BBS12: variants seen among roughly 807,000 people sequenced by gnomAD.
BBS12 encodes chaperonin-containing T-complex member BBS12.
Under a neutral mutation model 5.6 loss-of-function variants are expected in BBS12, and 5 were observed. The observed-to-expected ratio is 0.89, with a 90% CI of 0.46 to 1.86. The LOEUF is 1.86. BBS12 is among the 40% of genes most tolerant of loss of function. The pLI, the probability that BBS12 is intolerant of heterozygous loss-of-function variation, is 0.01. For missense variants in BBS12, 748 were observed against 830.4 expected (o/e 0.90, Z 1.22); for synonymous variants, 308 against 306.8 (o/e 1.00, Z -0.04).
At position 122,743,178 on chromosome 4, in the gene BBS12, G is replaced by C. The variant is rs7665271; in HGVS notation, c.1286G>C (p.Ser429Thr). 10,217 of 1,614,148 alleles carry C rather than the reference G, an allele frequency of 6.3e-3. 488 individuals are homozygous for C. In the African/African-American group the frequency reaches 0.11, roughly 17 times the overall value. Residue 429 changes from serine to threonine, a missense_variant, in exon 2 of 2, where the codon AGT (serine) becomes ACT (threonine). By Grantham distance (58) the Ser-to-Thr change is moderately conservative. Transcript: ENST00000314218. ...CGCTTAATTGAAAAATGTATAAACA[G>C]TAAGCGGTTGGTAATCGGCTCAGTG... ...SERLIEKCIN[S>T]KRLVIGSVNG... is the part of the protein sequence containing the mutation.
At chr4:122,722,122 G>A in the BBS12 span, among the ~76,000 whole-genome samples, 1 of 152,144 alleles carries the variant, frequency 6.6e-6, no homozygotes, top group East Asian at 1.9e-4. Context: ...TGTGAGACTG[G>A]GGGTCAAATT....
the BBS12 span, among the ~76,000 whole-genome samples, chr4:122,709,311 T>G: frequency 5.3e-5 from 8 of 152,186 alleles, no homozygotes; most frequent in African/African-American, 1.9e-4. Context: ...CAGAGTTTAC[T>G]CAGTGTTTCT....
chr4:122,743,373 C>T lies in BBS12; in HGVS notation c.1481C>T (p.Thr494Ile), dbSNP rs1560708278. The T allele has an allele frequency of 1.2e-6, 2 of 1,614,202 alleles. No homozygotes were observed. Among genetic ancestry groups the T allele is most frequent in the Non-Finnish European group, 1.7e-6 (2 of 1,180,050 alleles). The change falls in exon 2 of 2, where the codon ACA becomes ATA. Residue 494 changes from threonine to isoleucine, a missense_variant. Thr to Ile is a moderately conservative substitution (Grantham distance 89). Coordinates refer to ENST00000314218, the MANE Select transcript of BBS12 (RefSeq NM_152618.3). ...RNNRIAILLK[T>I]EGINLVTAVL... Reference sequence around the variant, plus strand: ...AACAGAATCGCAATCTTATTAAAAACAGAAGGAATTAATTTGGTTACGGCC... The same window carrying T: ...AACAGAATCGCAATCTTATTAAAAATAGAAGGAATTAATTTGGTTACGGCC...
At chr4:122,715,186 G>A in the BBS12 span, among the ~76,000 whole-genome samples, 1 of 150,988 alleles carries the variant, frequency 6.6e-6, no homozygotes, top group African/African-American at 2.4e-5. Flanking sequence ...AGCCAGCATA[G>A]ATAAGAAAAT....
chr4:122,719,110 C>T, the BBS12 span, among the ~76,000 whole-genome samples: 8 of 152,272 alleles, frequency 5.3e-5, no homozygotes, highest in South Asian at 2.1e-4. Context: ...TGAGCCACCG[C>T]GCCTGGCCTC....
At chr4:122,725,484 G>A in the BBS12 span, among the ~76,000 whole-genome samples, 2 of 152,048 alleles carry the variant, frequency 1.3e-5, no homozygotes, top group African/African-American at 2.4e-5. Flanking sequence ...ACTGATCTTC[G>A]ACAAAGCAAA....
At chr4:122,715,937 A>C in the BBS12 span, among the ~76,000 whole-genome samples, 2 of 152,154 alleles carry the variant, frequency 1.3e-5, no homozygotes, top group Non-Finnish European at 2.9e-5. Context: ...TCTTTTGTTA[A>C]GTGTGAAGAA....
At chr4:122,735,849 A>G (rs1205499539) in intron 1 of BBS12, among the ~76,000 whole-genome samples, 1 of 152,238 alleles carries the variant, frequency 6.6e-6, no homozygotes, top group Non-Finnish European at 1.5e-5. Context: ...ATAAGGGAAT[A>G]AGTGTTATGG....
At position 122,743,368 on chromosome 4, in the gene BBS12, A is replaced by G. The variant is rs760496730; in HGVS notation, c.1476A>G (p.Leu492=). ...GGAACAACAGAATCGCAATCTTATT[A>G]AAAACAGAAGGAATTAATTTGGTTA... The part of the protein sequence containing the change: ...VDRNNRIAIL[L]KTEGINLVTA... The change falls in exon 2 of 2, where the codon TTA becomes TTG. Residue 492 remains leucine, a synonymous_variant. Transcript: ENST00000314218. The G allele has an allele frequency of 6.2e-7, 1 of 1,614,244 alleles. No individual in the cohort carries two copies. The highest frequency in any genetic ancestry group is 2.2e-5 in the East Asian group (1 of 44,892).
At chr4:122,704,928 A>C in the BBS12 span, among the ~76,000 whole-genome samples, 1 of 152,232 alleles carries the variant, frequency 6.6e-6, no homozygotes, top group Non-Finnish European at 1.5e-5. Context: ...CTAACAAAGC[A>C]GAATATATTT....
chr4:122,715,031 A>T, the BBS12 span, among the ~76,000 whole-genome samples: 4 of 152,102 alleles, frequency 2.6e-5, no homozygotes, highest in African/African-American at 9.6e-5. Context: ...TTCATGAAAA[A>T]TAAATAAAGA....
the BBS12 span, among the ~76,000 whole-genome samples, chr4:122,717,752 T>C: frequency 1.3e-5 from 2 of 152,136 alleles, no homozygotes; most frequent in African/African-American, 4.8e-5. Flanking sequence ...CTTGAACTCC[T>C]GGCTCCAAGC....
intron 1 of BBS12, among the ~76,000 whole-genome samples, chr4:122,738,296 C>T (rs931512233): frequency 6.6e-6 from 1 of 152,100 alleles, no homozygotes; most frequent in Non-Finnish European, 1.5e-5. Context: ...CTGCAGGCTC[C>T]ACCTCCCGGG....
chr4:122,700,519 G>GAAC, the BBS12 span, among the ~76,000 whole-genome samples: 1 of 152,210 alleles, frequency 6.6e-6, no homozygotes, highest in Admixed American at 6.5e-5. Context: ...GGCCTTGAGG[G>GAAC]AACAGCTCAC....
At chr4:122,725,522 C>T in the BBS12 span, among the ~76,000 whole-genome samples, 6 of 152,008 alleles carry the variant, frequency 3.9e-5, no homozygotes, top group African/African-American at 1.4e-4. Flanking sequence ...GAAAGGACAC[C>T]CTAATCAACA....
the BBS12 span, among the ~76,000 whole-genome samples, chr4:122,704,147 G>A: frequency 6.6e-6 from 1 of 152,186 alleles, no homozygotes. Context: ...ACCATGCCTG[G>A]CCAGGTCTTG....
chr4:122,714,809 TG>T, the BBS12 span, among the ~76,000 whole-genome samples: 8 of 152,138 alleles, frequency 5.3e-5, no homozygotes, highest in Non-Finnish European at 7.4e-5. Context: ...TGCTTATACA[TG>T]CTATCGTGTA....
At chr4:122,729,363 CTG>C (rs1182319277), upstream of BBS12, 2 of 152,252 alleles carry the variant, frequency 1.3e-5, no homozygotes, top group South Asian at 2.1e-4. Flanking sequence ...AGTTAAAAGA[CTG>C]TATGTATGAG....
chr4:122,723,957 T>G, the BBS12 span, among the ~76,000 whole-genome samples: 1 of 152,252 alleles, frequency 6.6e-6, no homozygotes, highest in South Asian at 2.1e-4. Flanking sequence ...ATTGCTATTT[T>G]AAATATGCCA....
Sources: allele counts gnomAD v4.1 joint callset (sites outside exome capture counted in the v4.1 genomes callset), GRCh38; gene constraint gnomAD v4.1.1; transcripts MANE v1.5; gene names NCBI Gene and HGNC (gene_info 2026-07-23, HGNC 2026-07-21).